ASTN2: variants seen among roughly 807,000 people sequenced by gnomAD.
ASTN2 encodes the protein astrotactin-2.
Under a neutral mutation model 139.8 loss-of-function variants are expected in ASTN2, and 54 were observed. That is an observed-to-expected ratio of 0.39 (90% CI 0.31 to 0.48). The LOEUF is 0.48. Among genes scored for constraint, ASTN2 ranks in the 20% least tolerant of loss-of-function variants. The pLI is 0.95. For synonymous variants in ASTN2, 756 were observed against 719.5 expected, an observed-to-expected ratio of 1.05 and a Z score of -0.81; for missense variants, 1,565 against 1,725.1, an observed-to-expected ratio of 0.91 and a Z score of 1.64.
intron 6 of ASTN2, among the ~76,000 whole-genome samples, chr9:117,010,827 T>C (rs1189776010): frequency 3.9e-5 from 6 of 152,294 alleles, no homozygotes; most frequent in African/African-American, 1.4e-4. Context: ...GCTGGGATGG[T>C]CCTTCAGTGA....
In ASTN2 at chr9:117,214,489, C is replaced by T; in HGVS notation, c.884G>A (p.Cys295Tyr). 6.2e-7 allele frequency: 1 copy of T among 1,614,228 alleles called. No individual in the cohort carries two copies. The highest frequency in any genetic ancestry group is 8.5e-7 in the Non-Finnish European group (1 of 1,180,028). Residue 295 changes from cysteine (C) to tyrosine (Y), a missense_variant, in exon 3 of 23, where the codon TGT becomes TAT. Transcript: ENST00000313400. The stretch of plus-strand genomic sequence containing the variant: ...CCTAGGTGGCTCCTCATCCTCCTCA[C>T]AGTCATAGTCATCCAGGATGGGAGT... ...RETPILDDYD[C>Y]EEDEEPPRRA...
intron 22 of ASTN2, among the ~76,000 whole-genome samples, chr9:116,430,738 A>G (rs1277792465): frequency 1.3e-5 from 2 of 152,230 alleles, no homozygotes; most frequent in Non-Finnish European, 2.9e-5. Flanking sequence ...CACTGAACCA[A>G]TGTTTGCATT....
At chr9:116,504,993 A>T (rs963167263) in intron 19 of ASTN2, among the ~76,000 whole-genome samples, 3 of 151,902 alleles carry the variant, frequency 2.0e-5, no homozygotes, top group Non-Finnish European at 4.4e-5. Flanking sequence ...ATTCAGAGAG[A>T]TCCACTAACT....
At chr9:116,951,677 C>T (rs1021293693) in intron 10 of ASTN2, among the ~76,000 whole-genome samples, 7 of 152,140 alleles carry the variant, frequency 4.6e-5, no homozygotes, top group African/African-American at 1.7e-4. Flanking sequence ...CTATGGGAGG[C>T]ACCATGGTTA....
chr9:116,482,509 G>A (rs1195986479), intron 20 of ASTN2, among the ~76,000 whole-genome samples: 1 of 151,958 alleles, frequency 6.6e-6, no homozygotes, highest in Non-Finnish European at 1.5e-5. Context: ...CCTCTGTTTG[G>A]AGTCTCCATT....
chr9:117,323,234 A>C (rs1212603082), intron 1 of ASTN2, among the ~76,000 whole-genome samples: 1 of 152,082 alleles, frequency 6.6e-6, no homozygotes, highest in Non-Finnish European at 1.5e-5. Flanking sequence ...AAATCAGAAA[A>C]TTGTCTGCAT....
chr9:116,763,968 T>A (rs553302828), intron 13 of ASTN2, among the ~76,000 whole-genome samples: 1 of 152,132 alleles, frequency 6.6e-6, no homozygotes, highest in African/African-American at 2.4e-5. Flanking sequence ...AGAAACAGGA[T>A]GTAGCTTTCA....
chr9:116,753,851 A>G (rs1431638631), intron 13 of ASTN2, among the ~76,000 whole-genome samples: 1 of 151,910 alleles, frequency 6.6e-6, no homozygotes, highest in African/African-American at 2.4e-5. Flanking sequence ...CAGGTTTGTT[A>G]CATACGTATA....
intron 13 of ASTN2, among the ~76,000 whole-genome samples, chr9:116,790,955 A>AAGG (rs1830516804): frequency 2.0e-5 from 2 of 99,784 alleles, no homozygotes; most frequent in African/African-American, 7.8e-5. Flanking sequence ...AGAAAGAAAG[A>AAGG]AAAGAAAGAA....
chr9:117,207,604 A>C (rs1420292340), intron 3 of ASTN2, among the ~76,000 whole-genome samples: 5 of 152,112 alleles, frequency 3.3e-5, no homozygotes, highest in Non-Finnish European at 7.4e-5. Flanking sequence ...CCCTGGTAGA[A>C]ATATCCCCAG....
At chr9:116,728,583 A>G (rs796670060) in intron 15 of ASTN2, among the ~76,000 whole-genome samples, 64 of 152,252 alleles carry the variant, frequency 4.2e-4, no homozygotes, top group African/African-American at 1.4e-3. Flanking sequence ...GGACAGGAAA[A>G]TAAATTAGCC....
At chr9:117,298,670 G>GTA (rs148601803) in intron 1 of ASTN2, among the ~76,000 whole-genome samples, 50,677 of 136,130 alleles carry the variant, frequency 0.37, 9,716 homozygotes, top group East Asian at 0.52. Flanking sequence ...ATATATATGT[G>GTA]TATATATATA....
At chr9:116,511,657 A>C (rs1275009119) in intron 19 of ASTN2, among the ~76,000 whole-genome samples, 1 of 152,132 alleles carries the variant, frequency 6.6e-6, no homozygotes, top group Non-Finnish European at 1.5e-5. Context: ...TTGGTAGGCT[A>C]TTAATTATTG....
intron 1 of ASTN2, among the ~76,000 whole-genome samples, chr9:117,318,383 C>T (rs1828215450): frequency 6.6e-6 from 1 of 152,124 alleles, no homozygotes; most frequent in Non-Finnish European, 1.5e-5. Context: ...GCATCTGAAT[C>T]CAACATGACC....
At chr9:117,224,984 T>A (rs1832654859) in intron 2 of ASTN2, among the ~76,000 whole-genome samples, 1 of 152,186 alleles carries the variant, frequency 6.6e-6, no homozygotes, top group Admixed American at 6.5e-5. Context: ...TCATCTCTGT[T>A]TTCCCAGGAT....
intron 7 of ASTN2, among the ~76,000 whole-genome samples, chr9:116,990,201 C>CA (rs138431806): frequency 0.11 from 16,908 of 152,010 alleles, 1,023 homozygotes; most frequent in African/African-American, 0.12. Flanking sequence ...AAGGTGCCAC[C>CA]AAAAAAGAGT....
chr9:116,472,618 T>A, intron 20 of ASTN2, among the ~76,000 whole-genome samples: 1 of 152,034 alleles, frequency 6.6e-6, no homozygotes, highest in Non-Finnish European at 1.5e-5. Flanking sequence ...AGAATCATGG[T>A]TCTGGCCAGG....
intron 3 of ASTN2, chr9:117,181,106 C>G (rs1831054311): frequency 1.0e-6 from 1 of 957,052 alleles, no homozygotes; most frequent in Admixed American, 1.7e-5. Context: ...ATACAACAAA[C>G]AGGCTGCATA....
intron 10 of ASTN2, among the ~76,000 whole-genome samples, chr9:116,917,568 T>A (rs1268499669): frequency 6.6e-6 from 1 of 152,212 alleles, no homozygotes; most frequent in East Asian, 1.9e-4. Flanking sequence ...TCATAACTTG[T>A]TAGAAATGCA....
Sources: gnomAD v4.1 joint callset for allele counts (sites outside exome capture counted in the v4.1 genomes callset) on GRCh38, gnomAD v4.1.1 for gene constraint, MANE v1.5 for transcripts, NCBI Gene and HGNC (gene_info 2026-07-23, HGNC 2026-07-21) for gene names.